Variants in OR6N1 observed in about 807,000 individuals in gnomAD.
OR6N1 encodes the protein olfactory receptor family 6 subfamily N member 1, also known as olfactory receptor 6N1.
For missense variants in OR6N1, 394 were observed against 371.7 expected, an observed-to-expected ratio of 1.06 and a Z score of -0.49; for synonymous variants, 170 against 150.7, an observed-to-expected ratio of 1.13 and a Z score of -0.94.
chr1:158,804,675 C>T, the OR6N1 span, among the ~76,000 whole-genome samples: 4 of 151,972 alleles, frequency 2.6e-5, no homozygotes, highest in Non-Finnish European at 5.9e-5. Flanking sequence ...TTTACCTAAA[C>T]ATTTAATGTC....
chr1:158,835,416 G>T, the OR6N1 span, among the ~76,000 whole-genome samples: 1 of 152,006 alleles, frequency 6.6e-6, no homozygotes, highest in Non-Finnish European at 1.5e-5. Flanking sequence ...CGTTGTTAGC[G>T]TATAAAAACA....
At chr1:158,830,794 T>C in the OR6N1 span, among the ~76,000 whole-genome samples, 20 of 152,350 alleles carry the variant, frequency 1.3e-4, no homozygotes, top group Middle Eastern at 6.8e-3. Context: ...GCAACTAGTA[T>C]GAAACTCTTT....
chr1:158,827,393 A>G, the OR6N1 span, among the ~76,000 whole-genome samples: 1 of 152,240 alleles, frequency 6.6e-6, no homozygotes, highest in African/African-American at 2.4e-5. Flanking sequence ...CTGCTTAAAA[A>G]GGACTTAGTC....
chr1:158,814,156 T>C, the OR6N1 span, among the ~76,000 whole-genome samples: 1 of 152,174 alleles, frequency 6.6e-6, no homozygotes, highest in Non-Finnish European at 1.5e-5. Context: ...TATTGGGGCT[T>C]CACTTGGATG....
the OR6N1 span, among the ~76,000 whole-genome samples, chr1:158,796,418 CT>C: frequency 6.6e-6 from 1 of 152,108 alleles, no homozygotes. Context: ...TAGTTTCATT[CT>C]TTTTTCTTCT....
At chr1:158,821,440 C>T in the OR6N1 span, among the ~76,000 whole-genome samples, 1 of 152,198 alleles carries the variant, frequency 6.6e-6, no homozygotes, top group African/African-American at 2.4e-5. Context: ...AGTAGTTTCG[C>T]TGCCCTAAAA....
At chr1:158,774,467 A>T (rs1657529685), upstream of OR6N1, 1 of 152,200 alleles carries the variant, frequency 6.6e-6, no homozygotes, top group Non-Finnish European at 1.5e-5. Context: ...AAAGCTGCCC[A>T]GGCTGAATGA....
At chr1:158,818,953 A>G in the OR6N1 span, among the ~76,000 whole-genome samples, 136 of 152,268 alleles carry the variant, frequency 8.9e-4, no homozygotes, top group African/African-American at 3.1e-3. Context: ...CTCCTAAGCA[A>G]CTCAGGGGAA....
At chr1:158,797,072 T>C in the OR6N1 span, among the ~76,000 whole-genome samples, 1 of 152,168 alleles carries the variant, frequency 6.6e-6, no homozygotes, top group African/African-American at 2.4e-5. Flanking sequence ...ACATACCTCC[T>C]ACAGTGAGGT....
At chr1:158,815,878 G>A in the OR6N1 span, among the ~76,000 whole-genome samples, 7 of 152,016 alleles carry the variant, frequency 4.6e-5, no homozygotes, top group South Asian at 2.1e-4. Context: ...AACATAGGCC[G>A]GGCACAGTGG....
chr1:158,768,631 C>T lies in OR6N1; in HGVS notation c.-18-1931G>A, dbSNP rs188892093. Among the ~76,000 whole-genome samples the T allele has an allele frequency of 6.6e-5, 10 of 152,312 alleles. No homozygotes were observed. The East Asian group carries it at 1.2e-3, about 18-fold the overall frequency. The stretch of plus-strand genomic sequence containing the variant: ...TCTAAATTAGGTTCTGCGTTTCCAT[C>T]GATCAAATGTGTTCAGTGACATATC... On this transcript the variant is annotated intron_variant, in intron 1 of 1. Coordinates refer to ENST00000641846, the MANE Select transcript of OR6N1 (RefSeq NM_001005185.2).
the OR6N1 span, among the ~76,000 whole-genome samples, chr1:158,790,698 C>T: frequency 6.3e-3 from 965 of 152,250 alleles, 14 homozygotes; most frequent in African/African-American, 0.022. Flanking sequence ...GCCACTGCGC[C>T]GGGCCTTTGA....
the OR6N1 span, among the ~76,000 whole-genome samples, chr1:158,836,514 T>C: frequency 6.6e-6 from 1 of 151,992 alleles, no homozygotes; most frequent in Admixed American, 6.5e-5. Context: ...ATCCCACTTA[T>C]TGATGTATAA....
At chr1:158,777,058 G>T (rs150936453), upstream of OR6N1, 11 of 1,613,990 alleles carry the variant, frequency 6.8e-6, no homozygotes, top group African/African-American at 1.3e-4. Context: ...AATGTTAGCA[G>T]ATGTGTCCTT....
At chr1:158,792,268 T>C in the OR6N1 span, among the ~76,000 whole-genome samples, 1 of 152,226 alleles carries the variant, frequency 6.6e-6, no homozygotes, top group African/African-American at 2.4e-5. Context: ...CCCCTTTACC[T>C]TGAGCCTATA....
At chr1:158,790,704 T>A in the OR6N1 span, among the ~76,000 whole-genome samples, 2 of 152,250 alleles carry the variant, frequency 1.3e-5, no homozygotes, top group East Asian at 3.9e-4. Context: ...GCGCCGGGCC[T>A]TTGATAGGGA....
At chr1:158,776,803 T>TA, upstream of OR6N1, 1 of 1,614,014 alleles carries the variant, frequency 6.2e-7, no homozygotes, top group South Asian at 1.1e-5. Context: ...TAGTACGGAG[T>TA]AAACTATAGC....
the OR6N1 span, chr1:158,777,216 G>A: frequency 6.2e-7 from 1 of 1,614,142 alleles, no homozygotes; most frequent in East Asian, 2.2e-5. Context: ...TCTTGGCACA[G>A]AGTGTGGTGG....
At chr1:158,830,034 C>A in the OR6N1 span, among the ~76,000 whole-genome samples, 1 of 152,168 alleles carries the variant, frequency 6.6e-6, no homozygotes, top group East Asian at 1.9e-4. Context: ...TCCACCAGGT[C>A]CCTTCCACAA....
Sources: allele counts gnomAD v4.1 joint callset (sites outside exome capture counted in the v4.1 genomes callset), GRCh38; gene constraint gnomAD v4.1.1; transcripts MANE v1.5; gene names NCBI Gene and HGNC (gene_info 2026-07-23, HGNC 2026-07-21).